The following ARHGEF10 variants were observed in gnomAD, a reference collection of about 807,000 sequenced individuals.
ARHGEF10 encodes Rho guanine nucleotide exchange factor 10.
Under a neutral mutation model 147.4 loss-of-function variants are expected in ARHGEF10, and 140 were observed. The observed-to-expected ratio is 0.95, with a 90% CI of 0.83 to 1.09. The LOEUF is 1.09. Among genes scored for constraint, ARHGEF10 ranks in the 50% least tolerant of loss-of-function variants. The pLI, the probability that ARHGEF10 is intolerant of heterozygous loss-of-function variation, is 0.00. For synonymous variants in ARHGEF10, 902 were observed against 695.8 expected, an observed-to-expected ratio of 1.30 and a Z score of -4.67; for missense variants, 2,222 against 1,752.7, an observed-to-expected ratio of 1.27 and a Z score of -4.78.
intron 1 of ARHGEF10, among the ~76,000 whole-genome samples, chr8:1,828,083 G>A (rs531268142): frequency 6.6e-6 from 1 of 152,324 alleles, no homozygotes; most frequent in African/African-American, 2.4e-5. Flanking sequence ...AGAAGGAATG[G>A]TTGTGGTACC....
chr8:1,936,876 G>C (rs1176682318), intron 26 of ARHGEF10, among the ~76,000 whole-genome samples: 3 of 152,188 alleles, frequency 2.0e-5, no homozygotes, highest in Non-Finnish European at 2.9e-5. Context: ...CAGCACAGTG[G>C]GATGCGGGCT....
chr8:1,826,070 C>T, intron 1 of ARHGEF10: 2 of 1,584,690 alleles, frequency 1.3e-6, no homozygotes, highest in Non-Finnish European at 8.5e-7. Flanking sequence ...GCTTTAGCAG[C>T]CAACATCGGC....
chr8:1,946,625 C>T (rs967471198), intron 27 of ARHGEF10, among the ~76,000 whole-genome samples: 4 of 152,210 alleles, frequency 2.6e-5, no homozygotes, highest in Non-Finnish European at 5.9e-5. Context: ...CCCAAAGCCC[C>T]GCCTCCTCGC....
At chr8:1,925,069 G>T (rs1812582478) in intron 21 of ARHGEF10, among the ~76,000 whole-genome samples, 1 of 152,218 alleles carries the variant, frequency 6.6e-6, no homozygotes, top group Non-Finnish European at 1.5e-5. Flanking sequence ...CTGCCACTTA[G>T]ATGGGGCCAG....
At chr8:1,837,242 G>A (rs368611128) in intron 1 of ARHGEF10, among the ~76,000 whole-genome samples, 6 of 152,020 alleles carry the variant, frequency 3.9e-5, no homozygotes, top group Admixed American at 2.0e-4. Context: ...GCTGCTGTGC[G>A]CTGTGCGGAG....
rs1360757279 is a variant in ARHGEF10 at position 1,896,333 on chromosome 8, T to G, written c.1441T>G (p.Phe481Val). The G allele has an allele frequency of 6.2e-7, 1 of 1,611,036 alleles. No individual in the cohort carries two copies. Among genetic ancestry groups the G allele is most frequent in the Non-Finnish European group, 8.5e-7 (1 of 1,177,294 alleles). The change falls in exon 14 of 29, where the codon TTT becomes GTT. Residue 481 changes from phenylalanine (F) to valine (V), a missense_variant and splice_region_variant. Phe to Val is a conservative substitution (Grantham distance 50). Transcript: ENST00000349830. ...EMIGDVFVAS[F>V]SKSMVLDAYS... is the part of the protein sequence containing the mutation. The stretch of plus-strand genomic sequence containing the variant: ...CTCTGAATTTCCTCCTGTGTTTCAG[T>G]TTTCTAAGTCCATGGTGCTGGATGC...
chr8:1,950,667 G>A (rs1169465341), intron 27 of ARHGEF10, among the ~76,000 whole-genome samples: 1 of 151,070 alleles, frequency 6.6e-6, no homozygotes, highest in African/African-American at 2.4e-5. Flanking sequence ...GAGTAGTTGG[G>A]ATAACAGGTG....
chr8:1,936,772 C>A (rs981459797), intron 26 of ARHGEF10, among the ~76,000 whole-genome samples: 2 of 152,208 alleles, frequency 1.3e-5, no homozygotes, highest in African/African-American at 4.8e-5. Flanking sequence ...CACACACTGA[C>A]GAGACCGGTT....
chr8:1,856,300 G>A (rs768690915), intron 2 of ARHGEF10, among the ~76,000 whole-genome samples: 1 of 152,218 alleles, frequency 6.6e-6, no homozygotes, highest in Non-Finnish European at 1.5e-5. Context: ...GTTGGTGGAA[G>A]CAGTTCCAGA....
chr8:1,851,246 G>A (rs1364289912), intron 2 of ARHGEF10, among the ~76,000 whole-genome samples: 2 of 150,872 alleles, frequency 1.3e-5, no homozygotes, highest in Non-Finnish European at 2.9e-5. Flanking sequence ...CACCAGGAGC[G>A]AGGCCTCACG....
intron 1 of ARHGEF10, among the ~76,000 whole-genome samples, chr8:1,830,648 CG>C (rs1382261763): frequency 6.6e-6 from 1 of 152,202 alleles, no homozygotes; most frequent in Non-Finnish European, 1.5e-5. Flanking sequence ...GGGTGTGAAC[CG>C]CAGAGACCAT....
At chr8:1,861,197 A>G (rs1272042847) in intron 4 of ARHGEF10, among the ~76,000 whole-genome samples, 1 of 152,180 alleles carries the variant, frequency 6.6e-6, no homozygotes, top group Non-Finnish European at 1.5e-5. Context: ...GTGCTCTAGA[A>G]GGGGCTTGGT....
At chr8:1,915,992 C>T (rs937877190) in intron 18 of ARHGEF10, among the ~76,000 whole-genome samples, 5 of 152,332 alleles carry the variant, frequency 3.3e-5, no homozygotes, top group South Asian at 2.1e-4. Flanking sequence ...TGACAGCCAG[C>T]GTCTCAGGAA....
intron 25 of ARHGEF10, among the ~76,000 whole-genome samples, chr8:1,932,930 T>TTAATGGTTAGAC (rs1452970462): frequency 6.6e-6 from 1 of 152,240 alleles, no homozygotes; most frequent in African/African-American, 2.4e-5. Context: ...GATGCCTTAA[T>TTAATGGTTAGAC]TAATGGTTAG....
intron 15 of ARHGEF10, 79 bp from the exon 16 acceptor site, chr8:1,903,202 C>T (rs1810611780): frequency 5.2e-6 from 8 of 1,549,892 alleles, no homozygotes; most frequent in Non-Finnish European, 5.3e-6. Context: ...TTTCCATTGT[C>T]AGCTGGCGGG....
chr8:1,888,237 TGTGGTGAGGG>T, intron 11 of ARHGEF10, among the ~76,000 whole-genome samples: 1 of 52,914 alleles, frequency 1.9e-5, no homozygotes, highest in African/African-American at 8.7e-5. Flanking sequence ...AGACAGTGAG[TGTGGTGAGGG>T]TTGCGAGGAG....
At chr8:1,881,601 G>T (rs1330567158) in intron 9 of ARHGEF10, among the ~76,000 whole-genome samples, 1 of 151,080 alleles carries the variant, frequency 6.6e-6, no homozygotes, top group Non-Finnish European at 1.5e-5. Context: ...AAGTGATGGA[G>T]ATGGGCTGGG....
intron 7 of ARHGEF10, 100 bp downstream of exon 7, chr8:1,869,350 G>A: frequency 2.0e-6 from 2 of 1,020,476 alleles, no homozygotes; most frequent in Admixed American, 1.8e-5. Context: ...GACGTTTTCT[G>A]TATTCATGTT....
intron 15 of ARHGEF10, among the ~76,000 whole-genome samples, chr8:1,899,785 G>A (rs1293004636): frequency 6.6e-6 from 1 of 152,224 alleles, no homozygotes; most frequent in African/African-American, 2.4e-5. Context: ...CGTGCGAGAC[G>A]CTGTTGGCTT....
Sources: allele counts gnomAD v4.1 joint callset (sites outside exome capture counted in the v4.1 genomes callset), GRCh38; gene constraint gnomAD v4.1.1; transcripts MANE v1.5; gene names NCBI Gene and HGNC (gene_info 2026-07-23, HGNC 2026-07-21).